The following PTPRK variants were observed in gnomAD, a reference collection of about 807,000 sequenced individuals.
PTPRK encodes the protein receptor-type tyrosine-protein phosphatase kappa.
A neutral mutation model predicts 178.0 loss-of-function variants in PTPRK; 75 were observed. The ratio of observed to expected loss-of-function variants is 0.42; its 90% CI spans 0.35 to 0.51. The LOEUF (loss-of-function observed/expected upper bound fraction) is 0.51. PTPRK is among the 20% of genes least tolerant of loss of function. PTPRK has a pLI of 0.02. For missense variants in PTPRK, 1,441 were observed against 1,797.8 expected (o/e 0.80, Z 3.59); for synonymous variants, 637 against 620.6 (o/e 1.03, Z -0.39).
At chr6:128,112,522 T>C (rs902098900) in intron 7 of PTPRK, among the ~76,000 whole-genome samples, 1 of 152,080 alleles carries the variant, frequency 6.6e-6, no homozygotes, top group Non-Finnish European at 1.5e-5. Context: ...GGGAAAACAC[T>C]TAGGAAAACT....
chr6:128,198,686 A>G (rs549017944), intron 6 of PTPRK, among the ~76,000 whole-genome samples: 3 of 152,320 alleles, frequency 2.0e-5, no homozygotes, highest in East Asian at 3.9e-4. Context: ...TTATACACTT[A>G]GCAAAGTTAT....
chr6:128,313,170 G>C (rs1827487609), intron 3 of PTPRK, among the ~76,000 whole-genome samples: 1 of 151,912 alleles, frequency 6.6e-6, no homozygotes, highest in African/African-American at 2.4e-5. Context: ...CTAGAAACAA[G>C]ACCTAAAGCA....
rs116242196 is a variant in PTPRK at position 128,121,759 on chromosome 6, G to A, written c.1163-31767C>T. On this transcript the variant is annotated intron_variant, in intron 7 of 29. Transcript: ENST00000368226. ...GAATTTTAAATGTCTTTTAATGTGC[G>A]GGGTTTTTTTTTCCCCATCCCAGCA... 5.7e-3 allele frequency among the ~76,000 whole-genome samples: 869 copies of A among 151,938 alleles called. 6 individuals carry two copies. The highest frequency in any genetic ancestry group is 0.02 in the African/African-American group (811 of 41,468).
intron 11 of PTPRK, among the ~76,000 whole-genome samples, chr6:128,072,048 A>C (rs1782917863): frequency 6.6e-6 from 1 of 152,024 alleles, no homozygotes; most frequent in Admixed American, 6.6e-5. Context: ...CTCTAGCTAG[A>C]TCTAAATATT....
chr6:128,104,237 C>CT (rs1179234226), intron 7 of PTPRK, among the ~76,000 whole-genome samples: 3 of 152,048 alleles, frequency 2.0e-5, no homozygotes. Flanking sequence ...CTTTCCTTTT[C>CT]TTTTTTTGAG....
intron 1 of PTPRK, among the ~76,000 whole-genome samples, chr6:128,506,471 C>T (rs1045011301): frequency 1.3e-5 from 2 of 152,002 alleles, no homozygotes; most frequent in East Asian, 1.9e-4. Flanking sequence ...GGTTTTTATA[C>T]ATGGCAAGAC....
rs145373512 is a variant in PTPRK, at chr6:128,263,556, T to C, written c.496-20954A>G. Among the ~76,000 whole-genome samples, 515 of 152,284 alleles carry C rather than the reference T, an allele frequency of 3.4e-3. 2 individuals are homozygous for C. The highest frequency in any genetic ancestry group is 0.012 in the African/African-American group (488 of 41,564). On this transcript the variant is annotated intron_variant, in intron 3 of 29. Transcript: ENST00000368226. Reference sequence around the variant, plus strand: ...TAAAAATACAGCAGATATAAAGCAATATCAGGAGCACAGGTAATAACAAAA... The same window carrying C: ...TAAAAATACAGCAGATATAAAGCAACATCAGGAGCACAGGTAATAACAAAA...
At chr6:128,516,590 TA>T (rs1357174098) in intron 1 of PTPRK, among the ~76,000 whole-genome samples, 2 of 152,172 alleles carry the variant, frequency 1.3e-5, no homozygotes, top group Non-Finnish European at 2.9e-5. Flanking sequence ...TAATCTCACC[TA>T]AAGAGACAAC....
At position 128,429,721 on chromosome 6, in the gene PTPRK, C is replaced by T. The variant is rs1844578620; in HGVS notation, c.101-32033G>A. Among the ~76,000 whole-genome samples, 4 of 152,078 alleles carry T rather than the reference C, an allele frequency of 2.6e-5. No homozygotes were observed. In the South Asian group the frequency reaches 8.3e-4, roughly 32 times the overall value. ...GCATTTCTGTTTAAAAAAGAAAATC[C>T]TAGAGGCTCTTCTAGAAGTTTGCCT... On this transcript the variant is annotated intron_variant, in intron 1 of 29. Coordinates refer to ENST00000368226, the MANE Select transcript of PTPRK (RefSeq NM_002844.4).
intron 3 of PTPRK, among the ~76,000 whole-genome samples, chr6:128,317,053 A>G (rs1828103256): frequency 6.6e-6 from 1 of 152,228 alleles, no homozygotes; most frequent in South Asian, 2.1e-4. Context: ...CAGTGTAAAA[A>G]TAAGCCACGA....
intron 1 of PTPRK, among the ~76,000 whole-genome samples, chr6:128,494,420 T>C (rs532349784): frequency 3.3e-5 from 5 of 152,270 alleles, no homozygotes; most frequent in African/African-American, 1.2e-4. Flanking sequence ...AATTAGTATA[T>C]TGTGTTTCAG....
chr6:128,315,232 T>C (rs1827840247), intron 3 of PTPRK, among the ~76,000 whole-genome samples: 1 of 152,178 alleles, frequency 6.6e-6, no homozygotes, highest in African/African-American at 2.4e-5. Context: ...GATCTAAAGA[T>C]ATTTAAGCTT....
At chr6:128,278,080 C>G (rs1033024508) in intron 3 of PTPRK, among the ~76,000 whole-genome samples, 2 of 151,672 alleles carry the variant, frequency 1.3e-5, no homozygotes, top group East Asian at 1.9e-4. Flanking sequence ...GCTAGTAGTA[C>G]CATAAAAATA....
intron 5 of PTPRK, among the ~76,000 whole-genome samples, chr6:128,228,410 G>A (rs971951587): frequency 6.6e-6 from 1 of 151,240 alleles, no homozygotes; most frequent in African/African-American, 2.4e-5. Flanking sequence ...ACTTTGGGAG[G>A]CCGAGGCAGG....
rs568368624 is a variant in PTPRK at position 128,183,702 on chromosome 6, T to C, written c.1162+730A>G. ...AAATGTAGTCAAGTAAATTAGATAT[T>C]TAAACTTTTTATTGGCTTTTAATTA... On this transcript the variant is annotated intron_variant, in intron 7 of 29. Coordinates refer to ENST00000368226, the MANE Select transcript of PTPRK (RefSeq NM_002844.4). Among the ~76,000 whole-genome samples the C allele has an allele frequency of 5.9e-5, 9 of 152,258 alleles. No homozygotes were observed. The South Asian group carries it at 1.7e-3, about 28-fold the overall frequency.
At chr6:128,279,395 C>T (rs1028945271) in intron 3 of PTPRK, among the ~76,000 whole-genome samples, 1 of 152,034 alleles carries the variant, frequency 6.6e-6, no homozygotes, top group Non-Finnish European at 1.5e-5. Context: ...AACAGGCACT[C>T]CAGCATTAGA....
At chr6:127,991,623 A>G (rs769685012) in intron 19 of PTPRK, among the ~76,000 whole-genome samples, 2 of 148,910 alleles carry the variant, frequency 1.3e-5, no homozygotes, top group East Asian at 2.0e-4. Context: ...ACACTTCCCA[A>G]TTTAGAAGAA....
chr6:128,038,334 TA>T (rs775205146), intron 13 of PTPRK, among the ~76,000 whole-genome samples: 18 of 152,296 alleles, frequency 1.2e-4, no homozygotes, highest in Middle Eastern at 3.4e-3. Flanking sequence ...TAACATTTTT[TA>T]AAAAAATTAT....
intron 3 of PTPRK, among the ~76,000 whole-genome samples, chr6:128,243,509 A>AG (rs58288527): frequency 0.023 from 3,101 of 136,798 alleles, 115 homozygotes; most frequent in East Asian, 0.18. Context: ...AAAAAAAAAA[A>AG]AAAAGAAAAG....
Sources: gnomAD v4.1 joint callset for allele counts (sites outside exome capture counted in the v4.1 genomes callset) on GRCh38, gnomAD v4.1.1 for gene constraint, MANE v1.5 for transcripts, NCBI Gene and HGNC (gene_info 2026-07-23, HGNC 2026-07-21) for gene names.